The following BAZ1A variants were observed in gnomAD, a reference collection of about 807,000 sequenced individuals.
BAZ1A encodes the protein bromodomain adjacent to zinc finger domain protein 1A.
Under a neutral mutation model 185.2 loss-of-function variants are expected in BAZ1A, and 50 were observed. The observed-to-expected ratio is 0.27, with a 90% CI of 0.22 to 0.34. The LOEUF is 0.34. Ranked by LOEUF, BAZ1A falls within the 10% of genes least tolerant of loss-of-function variation. The pLI is 1.00. For synonymous variants in BAZ1A, 571 were observed against 615.6 expected, an observed-to-expected ratio of 0.93 and a Z score of 1.07; for missense variants, 1,356 against 1,839.9, an observed-to-expected ratio of 0.74 and a Z score of 4.81.
In BAZ1A at chr14:34,826,342, T is replaced by C. The variant is rs1425561231; in HGVS notation, c.393-186A>G. On this transcript the variant is annotated intron_variant, in intron 3 of 26. Transcript: ENST00000360310. ...GCAAATATTAGATATAATTTAAAGCTGTAAAACTATTTTAAAACTCAATTT... is the reference window on the plus strand; with the variant it reads ...GCAAATATTAGATATAATTTAAAGCCGTAAAACTATTTTAAAACTCAATTT... Among the ~76,000 whole-genome samples the C allele has an allele frequency of 2.6e-5, 4 of 152,360 alleles. No individual in the cohort carries two copies. In the East Asian group the frequency reaches 7.7e-4, roughly 29 times the overall value.
chr14:34,874,138 C>T lies in BAZ1A; in HGVS notation c.113+354G>A, dbSNP rs2042999905. On this transcript the variant is annotated intron_variant, in intron 2 of 26. Coordinates refer to ENST00000360310, the MANE Select transcript of BAZ1A (RefSeq NM_013448.3). The surrounding 1 kb of genome is among the most constrained non-coding windows in gnomAD (Gnocchi z 4.7). ...CCGGGAGGGGATCCCGGAACTGGCCCCGGAGTGCGCGTGTGGCCGCGGCGG... is the reference window on the plus strand; with the variant it reads ...CCGGGAGGGGATCCCGGAACTGGCCTCGGAGTGCGCGTGTGGCCGCGGCGG... 1.3e-5 allele frequency among the ~76,000 whole-genome samples: 2 copies of T among 152,062 alleles called. No homozygotes were observed. Among genetic ancestry groups the T allele is most frequent in the Non-Finnish European group, 2.9e-5 (2 of 67,974 alleles).
intron 4 of BAZ1A, chr14:34,816,613 G>T (rs930606571): frequency 1.1e-5 from 2 of 181,676 alleles, no homozygotes; most frequent in African/African-American, 4.7e-5. Flanking sequence ...CACAATAACA[G>T]ATTATATTAT....
At chr14:34,791,030 G>A (rs1367697306) in intron 12 of BAZ1A, among the ~76,000 whole-genome samples, 1 of 152,074 alleles carries the variant, frequency 6.6e-6, no homozygotes, top group Non-Finnish European at 1.5e-5. Flanking sequence ...GCTGAGACAG[G>A]AGAATCGCTT....
chr14:34,837,130 T>C (rs940116007), intron 3 of BAZ1A, among the ~76,000 whole-genome samples: 1 of 151,896 alleles, frequency 6.6e-6, no homozygotes, highest in Non-Finnish European at 1.5e-5. Flanking sequence ...CAGAACCTTA[T>C]TATTTCTCCA....
chr14:34,811,575 CTTGGCGTCCCAAAGTG>C (rs1224120105), intron 4 of BAZ1A, among the ~76,000 whole-genome samples: 2 of 152,122 alleles, frequency 1.3e-5, no homozygotes, highest in African/African-American at 2.4e-5. Flanking sequence ...ATCCTCCTAC[CTTGGCGTCCCAAAGTG>C]TTGGCATTAC....
intron 12 of BAZ1A, among the ~76,000 whole-genome samples, chr14:34,789,014 A>G (rs1411241422): frequency 1.3e-5 from 2 of 152,218 alleles, no homozygotes; most frequent in African/African-American, 2.4e-5. Context: ...CACACAGGAG[A>G]AGCTATCTAT....
intron 2 of BAZ1A, 38 bp from the exon 3 acceptor site, chr14:34,862,360 C>T: frequency 6.4e-7 from 1 of 1,553,616 alleles, no homozygotes; most frequent in Non-Finnish European, 8.6e-7. Context: ...AAGCCCATTA[C>T]CTATCATTTC....
intron 5 of BAZ1A, 88 bp from the exon 6 acceptor site, chr14:34,807,626 G>T: frequency 2.4e-6 from 2 of 844,400 alleles, no homozygotes; most frequent in Non-Finnish European, 3.7e-6. Context: ...TTTGTAACCT[G>T]AATTTCAGAA....
Position 34,780,223 on chromosome 14 carries a change from A to C in BAZ1A, c.2199T>G (p.Asp733Glu). The C allele has an allele frequency of 6.2e-7, 1 of 1,613,676 alleles. No individual in the cohort carries two copies. The highest frequency in any genetic ancestry group is 8.5e-7 in the Non-Finnish European group (1 of 1,179,830). Reference sequence around the variant, plus strand: ...TTTTATGTGATCCTGGGTCATCTTCATCTTCAGTGACCATATCTTGATCTA... The same window carrying C: ...TTTTATGTGATCCTGGGTCATCTTCCTCTTCAGTGACCATATCTTGATCTA... ...KELDQDMVTE[D>E]EDDPGSHKRG... The change falls in exon 17 of 27, where the codon GAT becomes GAG. Residue 733 changes from aspartate to glutamate, a missense_variant. This residue lies in a region of BAZ1A where 434 missense variants were observed against 561.7 expected (regional missense o/e 0.77). Transcript: ENST00000360310.
At chr14:34,868,159 T>G (rs3783315) in intron 2 of BAZ1A, among the ~76,000 whole-genome samples, 43,350 of 152,108 alleles carry the variant, frequency 0.28, 6,743 homozygotes, top group Non-Finnish European at 0.36. Context: ...GTAGATTTTT[T>G]GGGGAACACA....
chr14:34,822,008 G>C (rs2042097278), intron 4 of BAZ1A, among the ~76,000 whole-genome samples: 1 of 148,260 alleles, frequency 6.7e-6, no homozygotes, highest in African/African-American at 2.5e-5. Flanking sequence ...AAATACCTGT[G>C]AATAGGCAGG....
chr14:34,814,295 TATAA>T (rs1381937716), intron 4 of BAZ1A, among the ~76,000 whole-genome samples: 1 of 151,722 alleles, frequency 6.6e-6, no homozygotes, highest in East Asian at 1.9e-4. Context: ...TATATTAACA[TATAA>T]ATATATTTTA....
At chr14:34,768,733 C>CTT in intron 21 of BAZ1A, 21 of 395,552 alleles carry the variant, frequency 5.3e-5, no homozygotes, top group East Asian at 1.6e-4. Context: ...TTTTCTTGTC[C>CTT]TTTTTTTTTT....
intron 4 of BAZ1A, among the ~76,000 whole-genome samples, chr14:34,822,499 A>T (rs530920687): frequency 1.5e-3 from 232 of 151,996 alleles, no homozygotes; most frequent in Non-Finnish European, 2.2e-3. Context: ...GGTGGTGTGC[A>T]CCTGTAGTCC....
intron 4 of BAZ1A, among the ~76,000 whole-genome samples, chr14:34,813,606 C>T (rs2041960871): frequency 1.3e-5 from 2 of 152,048 alleles, no homozygotes; most frequent in African/African-American, 2.4e-5. Flanking sequence ...ATCGCTTGAA[C>T]TGGGAGGCAG....
chr14:34,859,026 T>TA (rs1325435041), intron 3 of BAZ1A, among the ~76,000 whole-genome samples: 1 of 152,102 alleles, frequency 6.6e-6, no homozygotes, highest in Non-Finnish European at 1.5e-5. Context: ...GTGTCTGGTA[T>TA]AAAAAAGGAA....
intron 3 of BAZ1A, among the ~76,000 whole-genome samples, chr14:34,848,749 T>C (rs1374007335): frequency 6.6e-6 from 1 of 152,184 alleles, no homozygotes; most frequent in Non-Finnish European, 1.5e-5. Flanking sequence ...TAAATCCAAA[T>C]ACTATGGGGA....
chr14:34,813,215 AAC>A (rs71671684), intron 4 of BAZ1A, among the ~76,000 whole-genome samples: 86,530 of 149,548 alleles, frequency 0.58, 24,965 homozygotes, highest in South Asian at 0.67. Context: ...AAACCTACAA[AAC>A]ACACACACAC....
intron 2 of BAZ1A, among the ~76,000 whole-genome samples, chr14:34,867,456 CA>C (rs150074535): frequency 0.21 from 31,657 of 151,962 alleles, 3,837 homozygotes; most frequent in Non-Finnish European, 0.26. Context: ...CATGCCATGG[CA>C]GGGGGACAGC....
Sources: allele counts gnomAD v4.1 joint callset (sites outside exome capture counted in the v4.1 genomes callset), GRCh38; gene constraint gnomAD v4.1.1; regional missense constraint gnomAD v4.1.1; non-coding constraint Gnocchi (gnomAD v3.1); transcripts MANE v1.5; gene names NCBI Gene and HGNC (gene_info 2026-07-23, HGNC 2026-07-21).